The following SCN11A variants were observed in gnomAD, a reference collection of about 807,000 sequenced individuals.
SCN11A encodes sodium voltage-gated channel alpha subunit 11, also known as sodium channel protein type 11 subunit alpha.
Under a neutral mutation model 162.2 loss-of-function variants are expected in SCN11A, and 122 were observed. The observed-to-expected ratio is 0.75, with a 90% CI of 0.65 to 0.87. The LOEUF (loss-of-function observed/expected upper bound fraction) is 0.87, where lower values mean the gene tolerates loss of function less well. SCN11A is among the 40% of genes least tolerant of loss of function. The probability of loss-of-function intolerance (pLI) is 0.00; values close to 1 mark genes in which losing one functional copy is unlikely to be tolerated. For missense variants in SCN11A, 2,015 were observed against 2,181.6 expected (o/e 0.92, Z 1.52); for synonymous variants, 758 against 751.5 (o/e 1.01, Z -0.14).
At chr3:39,015,725 C>G (rs2031272366) in intron 2 of SCN11A, among the ~76,000 whole-genome samples, 1 of 152,098 alleles carries the variant, frequency 6.6e-6, no homozygotes, top group Non-Finnish European at 1.5e-5. Context: ...TTTTGGTCAT[C>G]ACAGGAAAGA....
At chr3:38,936,205 T>C (rs1349849927) in intron 7 of SCN11A, among the ~76,000 whole-genome samples, 2 of 151,984 alleles carry the variant, frequency 1.3e-5, no homozygotes, top group Non-Finnish European at 2.9e-5. Flanking sequence ...AATTAGGTAT[T>C]GATGGGACGT....
chr3:38,882,850 C>T (rs530304428), intron 22 of SCN11A, among the ~76,000 whole-genome samples: 1 of 152,232 alleles, frequency 6.6e-6, no homozygotes, highest in Admixed American at 6.5e-5. Flanking sequence ...TTTTACCTTT[C>T]AGAAAACAGC....
chr3:39,024,956 T>C (rs992203911), intron 2 of SCN11A, among the ~76,000 whole-genome samples: 19 of 152,230 alleles, frequency 1.2e-4, no homozygotes, highest in African/African-American at 4.3e-4. Flanking sequence ...TACATAAATT[T>C]GTATGCCTTT....
At chr3:39,016,253 G>A (rs983854994) in intron 2 of SCN11A, among the ~76,000 whole-genome samples, 4 of 152,150 alleles carry the variant, frequency 2.6e-5, no homozygotes, top group Non-Finnish European at 5.9e-5. Context: ...ATTGGCCATG[G>A]GCTGCCAGGG....
chr3:38,940,071 T>TAG (rs1388417726), intron 7 of SCN11A, among the ~76,000 whole-genome samples: 1 of 150,078 alleles, frequency 6.7e-6, no homozygotes, highest in African/African-American at 2.4e-5. Context: ...TATATATATA[T>TAG]ATATAGTTTT....
intron 14 of SCN11A, among the ~76,000 whole-genome samples, chr3:38,906,826 A>C (rs1335490308): frequency 1.3e-5 from 2 of 151,936 alleles, no homozygotes; most frequent in Non-Finnish European, 2.9e-5. Context: ...TAAACTCTCT[A>C]GCTTTGTTTT....
chr3:38,968,089 C>T (rs552811302), intron 2 of SCN11A, among the ~76,000 whole-genome samples: 2 of 152,156 alleles, frequency 1.3e-5, no homozygotes, highest in African/African-American at 2.4e-5. Context: ...GGAGTAGAAC[C>T]GAAGAATGAA....
rs1055454430 is a variant in SCN11A, at chr3:38,981,241, C to G, written c.-279-20818G>C. 5.9e-5 allele frequency among the ~76,000 whole-genome samples: 9 copies of G among 152,176 alleles called. No homozygotes were observed. In the East Asian group the frequency reaches 1.3e-3, roughly 23 times the overall value. On this transcript the variant is annotated intron_variant, in intron 2 of 29. Coordinates refer to ENST00000302328, the MANE Select transcript of SCN11A (RefSeq NM_001349253.2). The stretch of plus-strand genomic sequence containing the variant: ...TCTGATCAACCACATGTTTAACAAG[C>G]CTTCTCTGAGTTCAGCTTTCCATGT...
intron 12 of SCN11A, 118 bp from the exon 13 acceptor site, chr3:38,909,312 C>T (rs578064878): frequency 1.1e-4 from 90 of 833,700 alleles, no homozygotes; most frequent in Middle Eastern, 6.3e-4. Context: ...CACTGGTGGG[C>T]TCAGTTGACC....
chr3:38,950,190 G>T lies in SCN11A; in HGVS notation c.173C>A (p.Ala58Asp), dbSNP rs766612002. ...ATAGAGCTTGGGCAACTTCCTGGAG[G>T]CCTTTAGGTCAAGCTGAGGCCGAGG... ...PQPRPQLDLK[A>D]SRKLPKLYGD... The change falls in exon 5 of 30, where the codon GCC becomes GAC. Residue 58 changes from alanine (A) to aspartate (D), a missense_variant. Coordinates refer to ENST00000302328, the MANE Select transcript of SCN11A (RefSeq NM_001349253.2). 3.1e-6 allele frequency: 5 copies of T among 1,613,614 alleles called. No individual in the cohort carries two copies. The highest frequency in any genetic ancestry group is 4.2e-6 in the Non-Finnish European group (5 of 1,179,992).
chr3:39,007,783 G>A (rs1049708981), intron 2 of SCN11A, among the ~76,000 whole-genome samples: 2 of 152,194 alleles, frequency 1.3e-5, no homozygotes, highest in Non-Finnish European at 2.9e-5. Context: ...TGTAGGTAAA[G>A]TGTTTTCCTG....
At chr3:38,950,636 G>T in intron 4 of SCN11A, 1 of 445,902 alleles carries the variant, frequency 2.2e-6, no homozygotes, top group Admixed American at 3.4e-5. Flanking sequence ...GTTGAGTTCA[G>T]GAACAAGTGA....
chr3:38,922,685 G>A (rs2066072971), intron 9 of SCN11A, among the ~76,000 whole-genome samples: 1 of 152,102 alleles, frequency 6.6e-6, no homozygotes, highest in African/African-American at 2.4e-5. Flanking sequence ...AGAAGGAGGA[G>A]GAGGAGGAGG....
At chr3:38,994,926 C>G (rs961595555) in intron 2 of SCN11A, among the ~76,000 whole-genome samples, 1 of 152,100 alleles carries the variant, frequency 6.6e-6, no homozygotes, top group African/African-American at 2.4e-5. Context: ...AGAAGCCCCA[C>G]AAAGCCGTCA....
At chr3:38,932,724 C>A (rs374606604) in intron 7 of SCN11A, among the ~76,000 whole-genome samples, 1 of 152,234 alleles carries the variant, frequency 6.6e-6, no homozygotes, top group East Asian at 1.9e-4. Flanking sequence ...CCGAGAAGCT[C>A]CAACTGGGTG....
In SCN11A at chr3:38,972,597, CAT is replaced by C. The variant is rs558612869; in HGVS notation, c.-279-12176_-279-12175del. 5.8e-3 allele frequency among the ~76,000 whole-genome samples: 876 copies of C among 152,122 alleles called. 8 individuals are homozygous for C. The highest frequency in any genetic ancestry group is 9.5e-3 in the Non-Finnish European group (645 of 67,988). ...TCATATATATGTATACACACACACACATACATATATATGTAAACACACACACA... is the reference window on the plus strand; with the variant it reads ...TCATATATATGTATACACACACACACACATATATATGTAAACACACACACA... On this transcript the variant is annotated intron_variant, in intron 2 of 29. Transcript: ENST00000302328.
In SCN11A at chr3:38,900,066, G is replaced by A; in HGVS notation, c.1850C>T (p.Thr617Ile). ...GCACATTTCTGCTATAAAAATGCTA[G>A]TGAAAACCTAGAGTGGGACAAAGAA... ...KMLNIGNLVF[T>I]SIFIAEMCLK... The change falls in exon 17 of 30, where the codon ACT becomes ATT. Residue 617 changes from threonine (T) to isoleucine (I), a missense_variant. Coordinates refer to ENST00000302328, the MANE Select transcript of SCN11A (RefSeq NM_001349253.2). 6.2e-7 allele frequency: 1 copy of A among 1,613,796 alleles called. No individual in the cohort carries two copies. Among genetic ancestry groups the A allele is most frequent in the Admixed American group, 1.7e-5 (1 of 60,006 alleles).
chr3:38,983,115 C>T (rs551305923), intron 2 of SCN11A, among the ~76,000 whole-genome samples: 34 of 152,300 alleles, frequency 2.2e-4, no homozygotes, highest in African/African-American at 8.2e-4. Context: ...CCATTAGCCA[C>T]AGACCTCACC....
At chr3:38,994,754 T>G (rs1575351146) in intron 2 of SCN11A, among the ~76,000 whole-genome samples, 1 of 151,858 alleles carries the variant, frequency 6.6e-6, no homozygotes, top group East Asian at 1.9e-4. Flanking sequence ...GAGAGACAAT[T>G]TAAATAGACT....
Sources: gnomAD v4.1 joint callset for allele counts (sites outside exome capture counted in the v4.1 genomes callset) on GRCh38, gnomAD v4.1.1 for gene constraint, MANE v1.5 for transcripts, NCBI Gene and HGNC (gene_info 2026-07-23, HGNC 2026-07-21) for gene names.